Variants in ATP10A observed in about 807,000 individuals in gnomAD.
ATP10A encodes ATPase phospholipid transporting 10A (putative).
Under a neutral mutation model 147.8 loss-of-function variants are expected in ATP10A, and 111 were observed. The ratio of observed to expected loss-of-function variants is 0.75; its 90% CI spans 0.64 to 0.88. ATP10A has a LOEUF of 0.88. ATP10A is among the 40% of genes least tolerant of loss of function. ATP10A has a pLI of 0.00. For missense variants in ATP10A, 1,927 were observed against 1,959.0 expected (o/e 0.98, Z 0.31); for synonymous variants, 875 against 841.6 (o/e 1.04, Z -0.69).
At chr15:25,683,527 A>C in intron 16 of ATP10A, 41 bp from the exon 17 acceptor site, 1 of 1,560,652 alleles carries the variant, frequency 6.4e-7, no homozygotes, top group Non-Finnish European at 8.7e-7. Flanking sequence ...GCGAGTCTTC[A>C]GCCATTGCTG....
intron 2 of ATP10A, among the ~76,000 whole-genome samples, chr15:25,768,683 ATT>A (rs143608940): frequency 0.18 from 16,130 of 89,604 alleles, 1,006 homozygotes; most frequent in East Asian, 0.24. Context: ...AGCTGGGCTA[ATT>A]TTTTTTTTTT....
At position 25,837,082 on chromosome 15, in the gene ATP10A, AT is replaced by A. The variant is rs768474536; in HGVS notation, c.449+25565del. ...ATCCATCATTTCACACAGTTACCTC[AT>A]TTTTTTTCGGTGAAAACACCCAAAA... On this transcript the variant is annotated intron_variant, in intron 1 of 20. Transcript: ENST00000555815. Among the ~76,000 whole-genome samples, 29 of 152,014 alleles carry A rather than the reference AT, an allele frequency of 1.9e-4. No homozygotes were observed. In the East Asian group the frequency reaches 3.7e-3, roughly 19 times the overall value.
chr15:25,760,284 G>A (rs1197570571), intron 2 of ATP10A, among the ~76,000 whole-genome samples: 1 of 152,178 alleles, frequency 6.6e-6, no homozygotes, highest in Admixed American at 6.5e-5. Context: ...ATGGAATGAT[G>A]TTTAGCCTTC....
At position 25,769,569 on chromosome 15, in the gene ATP10A, G is replaced by A. The variant is rs180817070; in HGVS notation, c.654+11450C>T. On this transcript the variant is annotated intron_variant, in intron 2 of 20. Coordinates refer to ENST00000555815, the MANE Select transcript of ATP10A (RefSeq NM_024490.4). Reference sequence around the variant, plus strand: ...TTCCTAGAACACTGCAGCCAGCCGGGGAAGTGGCCATCCTACCCGGGTGCC... The same window carrying A: ...TTCCTAGAACACTGCAGCCAGCCGGAGAAGTGGCCATCCTACCCGGGTGCC... 4.5e-3 allele frequency among the ~76,000 whole-genome samples: 678 copies of A among 151,544 alleles called. 8 individuals are homozygous for A. The highest frequency in any genetic ancestry group is 0.017 in the Middle Eastern group (5 of 290).
At chr15:25,701,555 G>C (rs1286134944) in intron 13 of ATP10A, among the ~76,000 whole-genome samples, 1 of 152,218 alleles carries the variant, frequency 6.6e-6, no homozygotes, top group Non-Finnish European at 1.5e-5. Flanking sequence ...ACTGGATAAA[G>C]AAGTCCTCAG....
At chr15:25,804,261 T>G (rs1261534236) in intron 1 of ATP10A, among the ~76,000 whole-genome samples, 2 of 151,700 alleles carry the variant, frequency 1.3e-5, no homozygotes, top group Non-Finnish European at 2.9e-5. Flanking sequence ...GTGCATGGTG[T>G]GTGTGTGGTT....
chr15:25,679,950 C>G lies in ATP10A; in HGVS notation c.3891G>C (p.Gly1297=), dbSNP rs1001993989. 4 of 1,597,158 alleles carry G rather than the reference C, an allele frequency of 2.5e-6. No homozygotes were observed. The African/African-American group carries it at 5.4e-5, about 21-fold the overall frequency. Reference sequence around the variant, plus strand: ...GCTGAAGTTGTGTGGGGAAAACCCTCCCCTGGAGGGATCTGAAAAACAATC... The same window carrying G: ...GCTGAAGTTGTGTGGGGAAAACCCTGCCCTGGAGGGATCTGAAAAACAATC... ...LPRLFFRSLQ[G]RVFPTQLQLA... is the part of the protein sequence containing the mutation. The change falls in exon 21 of 21, where the codon GGG becomes GGC. Residue 1297 remains glycine, a synonymous_variant. Transcript: ENST00000555815.
intron 1 of ATP10A, among the ~76,000 whole-genome samples, chr15:25,810,294 C>T (rs11161226): frequency 0.55 from 84,183 of 151,986 alleles, 24,421 homozygotes; most frequent in East Asian, 0.8. Flanking sequence ...TCCCTGGTCA[C>T]CCGAGAGGGC....
intron 1 of ATP10A, among the ~76,000 whole-genome samples, chr15:25,795,242 A>G (rs1890618893): frequency 6.6e-6 from 1 of 152,104 alleles, no homozygotes. Flanking sequence ...TCTCAGCCAC[A>G]CAGCCCACAG....
chr15:25,823,711 A>G (rs1314572786), intron 1 of ATP10A, among the ~76,000 whole-genome samples: 2 of 152,268 alleles, frequency 1.3e-5, no homozygotes, highest in African/African-American at 2.4e-5. Flanking sequence ...TTCATAGCAT[A>G]ACATTGCCCA....
At chr15:25,694,240 T>C (rs1406286703) in intron 14 of ATP10A, among the ~76,000 whole-genome samples, 2 of 152,176 alleles carry the variant, frequency 1.3e-5, no homozygotes, top group East Asian at 1.9e-4. Context: ...AAAACCACCA[T>C]GAGAAACACA....
Position 25,723,965 on chromosome 15 carries a change from T to C in ATP10A, c.1036A>G (p.Lys346Glu), listed in dbSNP as rs763299720. 1 of 1,609,948 alleles carries C rather than the reference T, an allele frequency of 6.2e-7. No individual in the cohort carries two copies. The highest frequency in any genetic ancestry group is 2.2e-5 in the East Asian group (1 of 44,718). ...GGGGATAAGGAGCTTCCATCAGACT[T>C]GGGGACATAAAATAATGACTTCTTC... ...QEKKSLFYVP[K>E]SDGSSLSPVT... Residue 346 changes from lysine (K) to glutamate (E), a missense_variant, in exon 6 of 21, where the codon AAG becomes GAG. Coordinates refer to ENST00000555815, the MANE Select transcript of ATP10A (RefSeq NM_024490.4).
chr15:25,861,253 G>A (rs1893747293), intron 1 of ATP10A, among the ~76,000 whole-genome samples: 2 of 152,154 alleles, frequency 1.3e-5, no homozygotes, highest in African/African-American at 4.8e-5. Flanking sequence ...AGACACTTTG[G>A]AAAACTGTAA....
intron 14 of ATP10A, among the ~76,000 whole-genome samples, chr15:25,693,872 T>G (rs1900167469): frequency 6.6e-6 from 1 of 152,212 alleles, no homozygotes. Context: ...AGGTGCCCAC[T>G]GTGAACAGGC....
At position 25,746,957 on chromosome 15, in the gene ATP10A, A is replaced by G. The variant is rs1041761124; in HGVS notation, c.655-10816T>C. 5.9e-5 allele frequency among the ~76,000 whole-genome samples: 9 copies of G among 152,216 alleles called. No individual in the cohort carries two copies. The East Asian group carries it at 1.7e-3, about 29-fold the overall frequency. Reference sequence around the variant, plus strand: ...AATAATATCCCAAAAATAAAAAAAAATCAGAAATCTGAAAAACTTCTTGTC... The same window carrying G: ...AATAATATCCCAAAAATAAAAAAAAGTCAGAAATCTGAAAAACTTCTTGTC... On this transcript the variant is annotated intron_variant, in intron 2 of 20. Coordinates refer to ENST00000555815, the MANE Select transcript of ATP10A (RefSeq NM_024490.4).
At chr15:25,726,605 C>A (rs1902572093) in intron 4 of ATP10A, among the ~76,000 whole-genome samples, 1 of 151,874 alleles carries the variant, frequency 6.6e-6, no homozygotes, top group Non-Finnish European at 1.5e-5. Flanking sequence ...CCACGCCCAG[C>A]TAATTTTTTG....
At chr15:25,710,004 CAG>C (rs2140375844) in intron 10 of ATP10A, 1 of 152,306 alleles carries the variant, frequency 6.6e-6, no homozygotes, top group East Asian at 1.9e-4. Context: ...TACTGGGGAA[CAG>C]AGTGTGGATC....
chr15:25,724,252 G>A (rs897966713), intron 5 of ATP10A, among the ~76,000 whole-genome samples: 11 of 152,130 alleles, frequency 7.2e-5, no homozygotes, highest in African/African-American at 2.7e-4. Context: ...GTTTCCCATT[G>A]TTGGTGCTAA....
intron 1 of ATP10A, among the ~76,000 whole-genome samples, chr15:25,847,394 C>T (rs1224472093): frequency 6.6e-6 from 1 of 152,054 alleles, no homozygotes; most frequent in Non-Finnish European, 1.5e-5. Flanking sequence ...ACAGAGCTAG[C>T]TAAGAATGGT....
Sources: allele counts gnomAD v4.1 joint callset (sites outside exome capture counted in the v4.1 genomes callset), GRCh38; gene constraint gnomAD v4.1.1; transcripts MANE v1.5; gene names NCBI Gene and HGNC (gene_info 2026-07-23, HGNC 2026-07-21).